SLC4A11: variants seen among roughly 807,000 people sequenced by gnomAD.
The protein encoded by SLC4A11 is solute carrier family 4 member 11.
SLC4A11 carries 74 observed loss-of-function variants against 95.0 expected under a neutral mutation model. The observed-to-expected ratio is 0.78, with a 90% CI of 0.65 to 0.95. The LOEUF is 0.95. SLC4A11 is among the 40% of genes least tolerant of loss of function. SLC4A11 has a pLI of 0.00. For missense variants in SLC4A11, 1,081 were observed against 1,192.4 expected (o/e 0.91, Z 1.38); for synonymous variants, 548 against 519.0 (o/e 1.06, Z -0.76).
intron 2 of SLC4A11, among the ~76,000 whole-genome samples, chr20:3,236,399 A>C (rs1159090767): frequency 1.3e-5 from 2 of 152,180 alleles, no homozygotes; most frequent in Non-Finnish European, 1.5e-5. Flanking sequence ...ACAATGGCTA[A>C]CATGGTGAAA....
chr20:3,230,532 G>A lies in SLC4A11; in HGVS notation c.1398C>T (p.Val466=). 1.2e-6 allele frequency: 2 copies of A among 1,613,884 alleles called. No homozygotes were observed. Among genetic ancestry groups the A allele is most frequent in the Non-Finnish European group, 1.7e-6 (2 of 1,180,022 alleles). The change falls in exon 12 of 20, where the codon GTC becomes GTT. Residue 466 remains valine, a synonymous_variant. Coordinates refer to ENST00000642402, the MANE Select transcript of SLC4A11 (RefSeq NM_001174089.2). The part of the protein sequence containing the change: ...ALYAFFNLSL[V]MSLFKRSTEE... ...CCAGTCACCTCTTGAAGAGACTCAT[G>A]ACCAGGCTGAGGTTGAAAAAGGCAT...
rs1447076031 is a variant in SLC4A11, at chr20:3,234,014, G to A, written c.524-12C>T. On this transcript the variant is annotated splice_polypyrimidine_tract_variant and intron_variant, in intron 5 of 19. Coordinates refer to ENST00000642402, the MANE Select transcript of SLC4A11 (RefSeq NM_001174089.2). This position sits in a 1 kb window ranked among gnomAD's most constrained non-coding sequence, Gnocchi z 5.8. ...TGACAGCAGGTGGACTGAGGAAAGA[G>A]TGAGGGGGAGGGTGGTGGGTCAACA... The A allele has an allele frequency of 1.2e-6, 2 of 1,613,836 alleles. No homozygotes were observed. The highest frequency in any genetic ancestry group is 1.7e-6 in the Non-Finnish European group (2 of 1,179,978).
chr20:3,228,802 C>G, intron 17 of SLC4A11, 36 bp downstream of exon 17: 1 of 1,613,514 alleles, frequency 6.2e-7, no homozygotes, highest in Non-Finnish European at 8.5e-7. Flanking sequence ...CTCCCCACTC[C>G]TCAGGGTCCA....
chr20:3,237,457 A>G, intron 2 of SLC4A11, 87 bp downstream of exon 2: 1 of 1,371,992 alleles, frequency 7.3e-7, no homozygotes, highest in Non-Finnish European at 1.0e-6. Context: ...GCAAAGCCAC[A>G]GGACTCTGGT....
rs770613155 is a variant in SLC4A11 at position 3,228,443 on chromosome 20, G to T, written c.2389-15C>A. On this transcript the variant is annotated splice_polypyrimidine_tract_variant and intron_variant, in intron 18 of 19. Transcript: ENST00000642402. ...GGGTACGCAGTCTGTGGGCGGCAGG[G>T]ACCGGGTGTGGGCAGGCATGGGGCT... 1 of 1,612,964 alleles carries T rather than the reference G, an allele frequency of 6.2e-7. No homozygotes were observed. The highest frequency in any genetic ancestry group is 1.1e-5 in the South Asian group (1 of 91,080).
intron 19 of SLC4A11, 86 bp from the exon 20 acceptor site, chr20:3,227,942 A>G: frequency 1.0e-6 from 1 of 979,418 alleles, no homozygotes. Context: ...GCCCACCCAC[A>G]GGGCCAGGCT....
intron 2 of SLC4A11, 107 bp from the exon 3 acceptor site, chr20:3,235,001 G>A: frequency 1.4e-6 from 2 of 1,412,874 alleles, no homozygotes; most frequent in Admixed American, 1.7e-5. Flanking sequence ...CCACTCTCGG[G>A]CCGTGGTGGG....
intron 13 of SLC4A11, 91 bp downstream of exon 13, chr20:3,230,096 C>T: frequency 1.4e-6 from 2 of 1,444,376 alleles, no homozygotes; most frequent in Non-Finnish European, 1.9e-6. Flanking sequence ...TCAGCTTGAG[C>T]CAGTCCTATG....
intron 1 of SLC4A11, chr20:3,238,363 C>CG (rs920935688): frequency 1.0e-6 from 1 of 984,120 alleles, no homozygotes; most frequent in African/African-American, 1.8e-5. Context: ...TCGGAGACCC[C>CG]GGGGGTCGGG....
intron 1 of SLC4A11, chr20:3,238,849 T>G: frequency 8.3e-7 from 1 of 1,208,120 alleles, no homozygotes; most frequent in Non-Finnish European, 1.0e-6. Flanking sequence ...TCAAACCTGG[T>G]AAGAAATTCA....
chr20:3,229,060 G>GGCCCCCCCCCCCCCCCCCCCCCCCCCCCC, intron 16 of SLC4A11, 35 bp downstream of exon 16: 1 of 1,542,148 alleles, frequency 6.5e-7, no homozygotes, highest in Non-Finnish European at 8.7e-7. Flanking sequence ...AGAGGCCCGG[G>GGCCCCCCCCCCCCCCCCCCCCCCCCCCCC]CCCCGCCCAC....
Position 3,234,409 on chromosome 20 carries a change from C to CCCCAGCG in SLC4A11, c.292-96_292-95insCGCTGGG. 6.9e-7 allele frequency: 1 copy of CCCCAGCG among 1,450,556 alleles called. No individual in the cohort carries two copies. Among genetic ancestry groups the CCCCAGCG allele is most frequent in the Non-Finnish European group, 9.6e-7 (1 of 1,044,608 alleles). The allele number at this position is 1,450,556 out of a possible 1,614,324, so 89.9% of individuals were successfully genotyped here. ...TCCCAGCCAGCCGCAGCAGTCCAGC[C>CCCCAGCG]CCCAGCCCCCAGCCCCCAGCCCTGG... On this transcript the variant is annotated intron_variant, in intron 4 of 19. Transcript: ENST00000642402. This position sits in a 1 kb window ranked among gnomAD's most constrained non-coding sequence, Gnocchi z 5.8.
chr20:3,231,164 A>G lies in SLC4A11; in HGVS notation c.1027T>C (p.Leu343=). ...GGCCACGTACCATCAGTGAAGTCCA[A>G]GGGGTACAAGGGGAACCTGCGTGCG... ...DIARRFPLYP[L]DFTDGIIGKN... The change falls in exon 9 of 20, where the codon TTG becomes CTG. Residue 343 remains leucine, a synonymous_variant. Coordinates refer to ENST00000642402, the MANE Select transcript of SLC4A11 (RefSeq NM_001174089.2). The surrounding 1 kb of genome is among the most constrained non-coding windows in gnomAD (Gnocchi z 5.2). 1 of 1,614,186 alleles carries G rather than the reference A, an allele frequency of 6.2e-7. No individual in the cohort carries two copies.
intron 2 of SLC4A11, 25 bp downstream of exon 2, chr20:3,237,519 C>G: frequency 6.2e-7 from 1 of 1,612,172 alleles, no homozygotes; most frequent in Admixed American, 1.7e-5. Flanking sequence ...TCTCTGCACA[C>G]ACACACTCCC....
chr20:3,230,323 C>T, intron 12 of SLC4A11, 63 bp from the exon 13 acceptor site: 1 of 1,595,002 alleles, frequency 6.3e-7, no homozygotes, highest in East Asian at 2.2e-5. Flanking sequence ...GGGGAGGCCT[C>T]CCTGAGCCCC....
chr20:3,229,014 G>A lies in SLC4A11; in HGVS notation c.2019-3C>T, dbSNP rs762665830. 64 of 1,612,836 alleles carry A rather than the reference G, an allele frequency of 4.0e-5. 1 individual carries two copies. In the Middle Eastern group the frequency reaches 5.0e-4, roughly 13 times the overall value. The stretch of plus-strand genomic sequence containing the variant: ...GGTAGGCAGTGCCCTTCACCAGCCT[G>A]CAGCAGACGGGCACTCGTGGACAGA... On this transcript the variant is annotated splice_polypyrimidine_tract_variant and splice_region_variant and intron_variant, in intron 16 of 19. Coordinates refer to ENST00000642402, the MANE Select transcript of SLC4A11 (RefSeq NM_001174089.2).
At chr20:3,237,409 C>T (rs2068015382) in intron 2 of SLC4A11, 135 bp downstream of exon 2, 1 of 945,804 alleles carries the variant, frequency 1.1e-6, no homozygotes, top group Admixed American at 1.7e-5. Context: ...GAGTGGAAGC[C>T]AAAAGCATTC....
At position 3,227,516 on chromosome 20, in the gene SLC4A11, T is replaced by A; in HGVS notation, c.*271A>T. 1.9e-6 allele frequency: 1 copy of A among 521,838 alleles called. No individual in the cohort carries two copies. The highest frequency in any genetic ancestry group is 3.5e-6 in the Non-Finnish European group (1 of 287,758). 32.3% of individuals were successfully genotyped at this position (521,838 alleles called of 1,614,324 possible). On this transcript the variant is annotated 3_prime_UTR_variant, in exon 20 of 20. Transcript: ENST00000642402. ...TCTCTTTCAGGCATCGACTCTTTTA[T>A]CAAAAGAAAATCCATCCTGCTCAGT...
At chr20:3,228,769 C>T in intron 17 of SLC4A11, 62 bp from the exon 18 acceptor site, 1 of 1,612,762 alleles carries the variant, frequency 6.2e-7, no homozygotes, top group East Asian at 2.2e-5. Context: ...CTCACTCCTC[C>T]CTATGTCCCA....
Sources: allele counts gnomAD v4.1 joint callset (sites outside exome capture counted in the v4.1 genomes callset), GRCh38; gene constraint gnomAD v4.1.1; non-coding constraint Gnocchi (gnomAD v3.1); transcripts MANE v1.5; gene names NCBI Gene and HGNC (gene_info 2026-07-23, HGNC 2026-07-21).